Variants in NKAIN2 observed in about 807,000 individuals in gnomAD.
NKAIN2 encodes sodium/potassium-transporting ATPase subunit beta-1-interacting protein 2.
In NKAIN2, 14 loss-of-function variants were observed where a neutral mutation model predicts 32.6. The observed-to-expected ratio is 0.43, with a 90% CI of 0.28 to 0.67. The LOEUF (loss-of-function observed/expected upper bound fraction) is 0.67. Ranked by LOEUF, NKAIN2 falls within the 30% of genes least tolerant of loss-of-function variation. The pLI, the probability that NKAIN2 is intolerant of heterozygous loss-of-function variation, is 0.17. For synonymous variants in NKAIN2, 80 were observed against 87.2 expected, an observed-to-expected ratio of 0.92 and a Z score of 0.46; for missense variants, 198 against 258.3, an observed-to-expected ratio of 0.77 and a Z score of 1.60.
chr6:124,573,418 T>G (rs936983615), intron 3 of NKAIN2, among the ~76,000 whole-genome samples: 2 of 152,084 alleles, frequency 1.3e-5, no homozygotes, highest in African/African-American at 2.4e-5. Flanking sequence ...TTCTCACTAT[T>G]CACTTCTCTC....
intron 2 of NKAIN2, among the ~76,000 whole-genome samples, chr6:124,348,727 G>C (rs1219625499): frequency 1.3e-5 from 2 of 152,192 alleles, no homozygotes; most frequent in African/African-American, 4.8e-5. Flanking sequence ...TCTCACTAGG[G>C]AGTGCCAGAC....
chr6:124,797,321 C>G (rs1780048526), intron 5 of NKAIN2, among the ~76,000 whole-genome samples: 1 of 152,010 alleles, frequency 6.6e-6, no homozygotes, highest in Non-Finnish European at 1.5e-5. Context: ...ACTAAGTAGT[C>G]ATTTTCTTTG....
intron 3 of NKAIN2, among the ~76,000 whole-genome samples, chr6:124,357,276 T>G (rs1215440646): frequency 6.6e-6 from 1 of 152,166 alleles, no homozygotes; most frequent in South Asian, 2.1e-4. Flanking sequence ...ATAGTTATCG[T>G]TATATAGTTA....
chr6:124,635,921 C>G (rs144014290), intron 3 of NKAIN2, among the ~76,000 whole-genome samples: 1 of 152,088 alleles, frequency 6.6e-6, no homozygotes, highest in East Asian at 1.9e-4. Context: ...TGGACTTGAA[C>G]TGCACTATAC....
At chr6:123,916,829 T>TTATCTGTC (rs1775524707) in intron 1 of NKAIN2, among the ~76,000 whole-genome samples, 1 of 150,798 alleles carries the variant, frequency 6.6e-6, no homozygotes, top group Admixed American at 6.6e-5. Context: ...ATCTATCTAT[T>TTATCTGTC]TATCTATCTA....
At chr6:124,512,461 C>T (rs1276131867) in intron 3 of NKAIN2, among the ~76,000 whole-genome samples, 15 of 152,196 alleles carry the variant, frequency 9.9e-5, no homozygotes, top group Admixed American at 9.8e-4. Context: ...TACACAGTTA[C>T]TTCAATTATC....
intron 2 of NKAIN2, among the ~76,000 whole-genome samples, chr6:124,298,333 T>C (rs1432106117): frequency 1.3e-5 from 2 of 152,200 alleles, no homozygotes; most frequent in Non-Finnish European, 2.9e-5. Flanking sequence ...CTATTTTTAA[T>C]GTTTCCATTA....
rs1392630419 is a variant in NKAIN2, at chr6:124,824,211, C to T, written c.*982C>T. On this transcript the variant is annotated 3_prime_UTR_variant, in exon 7 of 7. Coordinates refer to ENST00000368417, the MANE Select transcript of NKAIN2 (RefSeq NM_001040214.3). Reference sequence around the variant, plus strand: ...TATAAGTATCTACAATTGTCTTTTACTAACACAGAAACAGCTGTGGATTTC... The same window carrying T: ...TATAAGTATCTACAATTGTCTTTTATTAACACAGAAACAGCTGTGGATTTC... The T allele has an allele frequency of 6.6e-6, 1 of 152,588 alleles. No homozygotes were observed. 9.5% of individuals were successfully genotyped at this position (152,588 alleles called of 1,614,324 possible). A position where few individuals can be genotyped will look rare whatever the true frequency, so the allele number is the denominator to read the frequency against.
chr6:124,729,176 G>GA (rs1455479436), intron 4 of NKAIN2, among the ~76,000 whole-genome samples: 5 of 152,068 alleles, frequency 3.3e-5, no homozygotes, highest in African/African-American at 9.7e-5. Flanking sequence ...CCAATCAATA[G>GA]AAAAAGAGGA....
chr6:124,325,816 A>G (rs183454625), intron 2 of NKAIN2, among the ~76,000 whole-genome samples: 5 of 152,272 alleles, frequency 3.3e-5, no homozygotes, highest in Admixed American at 3.3e-4. Context: ...TTAAAACCCA[A>G]TAGCACCCTT....
At chr6:124,687,741 T>TACACACAC (rs1392017501) in intron 4 of NKAIN2, among the ~76,000 whole-genome samples, 1,556 of 29,914 alleles carry the variant, frequency 0.052, 50 homozygotes, top group African/African-American at 0.099. Flanking sequence ...ATATATGATA[T>TACACACAC]ATACACACAC....
At chr6:124,350,012 C>T (rs1798639516) in intron 2 of NKAIN2, among the ~76,000 whole-genome samples, 1 of 152,174 alleles carries the variant, frequency 6.6e-6, no homozygotes, top group African/African-American at 2.4e-5. Flanking sequence ...CTCAAAGTTT[C>T]TGTCTGAAAC....
chr6:124,082,852 A>G (rs1319352845), intron 1 of NKAIN2, among the ~76,000 whole-genome samples: 1 of 152,018 alleles, frequency 6.6e-6, no homozygotes, highest in Non-Finnish European at 1.5e-5. Flanking sequence ...AAACGCACCA[A>G]ATATACAATT....
At chr6:124,489,113 G>A (rs1438115836) in intron 3 of NKAIN2, among the ~76,000 whole-genome samples, 4 of 151,932 alleles carry the variant, frequency 2.6e-5, no homozygotes, top group Non-Finnish European at 5.9e-5. Context: ...TATAATCGGA[G>A]CTTGATAAAT....
intron 3 of NKAIN2, among the ~76,000 whole-genome samples, chr6:124,495,559 G>T (rs780800403): frequency 3.3e-5 from 5 of 152,140 alleles, no homozygotes; most frequent in Non-Finnish European, 7.3e-5. Context: ...GCTCCAGCGT[G>T]ATGCCAAGCA....
intron 3 of NKAIN2, among the ~76,000 whole-genome samples, chr6:124,409,705 C>T (rs1413132356): frequency 6.6e-6 from 1 of 152,182 alleles, no homozygotes; most frequent in Non-Finnish European, 1.5e-5. Flanking sequence ...GATGCTGCCT[C>T]ATAAAATGAG....
chr6:123,947,812 A>C (rs1007242748), intron 1 of NKAIN2, among the ~76,000 whole-genome samples: 1 of 152,070 alleles, frequency 6.6e-6, no homozygotes, highest in Admixed American at 6.6e-5. Context: ...ATTGTTGTTA[A>C]CTATAGTCAC....
At position 123,998,166 on chromosome 6, in the gene NKAIN2, C is replaced by T. The variant is rs1162937787; in HGVS notation, c.54+193912C>T. Among the ~76,000 whole-genome samples the T allele has an allele frequency of 5.3e-5, 8 of 152,124 alleles. No homozygotes were observed. In the South Asian group the frequency reaches 1.5e-3, roughly 28 times the overall value. ...AAGATAGATGTGGGAAAAAAGTGACCTATCAAAATATATAACTCAGAAAGC... is the reference window on the plus strand; with the variant it reads ...AAGATAGATGTGGGAAAAAAGTGACTTATCAAAATATATAACTCAGAAAGC... On this transcript the variant is annotated intron_variant, in intron 1 of 6. Transcript: ENST00000368417.
chr6:124,032,121 G>T (rs1375532794), intron 1 of NKAIN2, among the ~76,000 whole-genome samples: 1 of 151,976 alleles, frequency 6.6e-6, no homozygotes, highest in Non-Finnish European at 1.5e-5. Context: ...TAGGGACACA[G>T]ATGAAGCTGG....
Sources: allele counts gnomAD v4.1 joint callset (sites outside exome capture counted in the v4.1 genomes callset), GRCh38; gene constraint gnomAD v4.1.1; transcripts MANE v1.5; gene names NCBI Gene and HGNC (gene_info 2026-07-23, HGNC 2026-07-21).